The following PHACTR1 variants were observed in gnomAD, a reference collection of about 807,000 sequenced individuals.
PHACTR1 encodes the protein RPEL repeat containing 1.
A neutral mutation model predicts 69.2 loss-of-function variants in PHACTR1; 16 were observed. The ratio of observed to expected loss-of-function variants is 0.23; its 90% CI spans 0.16 to 0.35. The LOEUF (loss-of-function observed/expected upper bound fraction) is 0.35, where lower values mean the gene tolerates loss of function less well. Among genes scored for constraint, PHACTR1 ranks in the 10% least tolerant of loss-of-function variants. PHACTR1 has a pLI of 1.00. For synonymous variants in PHACTR1, 312 were observed against 284.5 expected (o/e 1.10, Z -0.97); for missense variants, 510 against 734.7 (o/e 0.69, Z 3.54).
At chr6:12,825,563 G>T (rs777775877) in intron 4 of PHACTR1, among the ~76,000 whole-genome samples, 2 of 152,184 alleles carry the variant, frequency 1.3e-5, no homozygotes, top group African/African-American at 2.4e-5. Flanking sequence ...AGTGCTGGTT[G>T]TGATGATCAA....
Position 12,798,543 on chromosome 6 carries a change from C to T in PHACTR1, c.250+48753C>T, listed in dbSNP as rs151209915. Among the ~76,000 whole-genome samples, 7 of 152,272 alleles carry T rather than the reference C, an allele frequency of 4.6e-5. 1 individual carries two copies. The South Asian group carries it at 6.2e-4, about 14-fold the overall frequency. ...AAGTAAATAAAGCATGATAGAACAA[C>T]GGACTGAGTAACAAATGACCAATTT... On this transcript the variant is annotated intron_variant, in intron 4 of 14. Coordinates refer to ENST00000332995, the MANE Select transcript of PHACTR1 (RefSeq NM_030948.6).
chr6:13,065,513 G>A (rs73368145), intron 5 of PHACTR1, among the ~76,000 whole-genome samples: 5,644 of 152,184 alleles, frequency 0.037, 338 homozygotes, highest in African/African-American at 0.13. Flanking sequence ...GGGAAGCCAC[G>A]TAGCTGGGAT....
chr6:12,827,052 C>A (rs1256555268), intron 4 of PHACTR1, among the ~76,000 whole-genome samples: 1 of 152,202 alleles, frequency 6.6e-6, no homozygotes, highest in Non-Finnish European at 1.5e-5. Flanking sequence ...TATCGTCCTT[C>A]TTTGTTGTTT....
chr6:13,139,253 C>T (rs1357899512), intron 5 of PHACTR1, among the ~76,000 whole-genome samples: 1 of 152,030 alleles, frequency 6.6e-6, no homozygotes, highest in Non-Finnish European at 1.5e-5. Context: ...ATCCATCCCA[C>T]TGCATATTTT....
At chr6:13,170,997 G>T (rs1279828302) in intron 6 of PHACTR1, among the ~76,000 whole-genome samples, 1 of 152,170 alleles carries the variant, frequency 6.6e-6, no homozygotes, top group East Asian at 1.9e-4. Context: ...ATCTCATAAA[G>T]GACATAATCC....
At chr6:12,832,460 C>G (rs1341885220) in intron 4 of PHACTR1, among the ~76,000 whole-genome samples, 1 of 151,956 alleles carries the variant, frequency 6.6e-6, no homozygotes, top group Non-Finnish European at 1.5e-5. Flanking sequence ...GTAAGCATTA[C>G]AAAATAATTT....
At chr6:12,936,951 G>A (rs1309966290) in intron 4 of PHACTR1, among the ~76,000 whole-genome samples, 2 of 152,084 alleles carry the variant, frequency 1.3e-5, no homozygotes. Context: ...AGTGTCTGAG[G>A]ATGAGTCACA....
chr6:12,870,590 ACATATACATATAATTG>A (rs1230385069), intron 4 of PHACTR1, among the ~76,000 whole-genome samples: 3 of 152,348 alleles, frequency 2.0e-5, no homozygotes, highest in Middle Eastern at 6.8e-3. Context: ...CTATAATTGC[ACATATACATATAATTG>A]CACATCTATA....
chr6:12,922,084 CTG>C (rs1787780562), intron 4 of PHACTR1, among the ~76,000 whole-genome samples: 1 of 152,176 alleles, frequency 6.6e-6, no homozygotes, highest in South Asian at 2.1e-4. Flanking sequence ...CAGAGAACAT[CTG>C]TGAGCTACTT....
chr6:13,064,441 C>T (rs930574190), intron 5 of PHACTR1, among the ~76,000 whole-genome samples: 3 of 150,066 alleles, frequency 2.0e-5, no homozygotes, highest in Non-Finnish European at 4.4e-5. Context: ...AAGCTTTATC[C>T]CACGTAAATG....
intron 6 of PHACTR1, among the ~76,000 whole-genome samples, chr6:13,165,643 AG>A (rs1263054411): frequency 6.6e-6 from 1 of 152,068 alleles, no homozygotes; most frequent in African/African-American, 2.4e-5. Context: ...GCGAAGGGGG[AG>A]GGGGTTGTGA....
intron 4 of PHACTR1, among the ~76,000 whole-genome samples, chr6:12,829,871 T>TC (rs1241929820): frequency 6.7e-6 from 1 of 149,232 alleles, no homozygotes; most frequent in East Asian, 2.0e-4. Context: ...GACAGGAGAA[T>TC]CGCTTGAACC....
intron 4 of PHACTR1, among the ~76,000 whole-genome samples, chr6:12,969,509 A>G (rs1793912997): frequency 6.6e-6 from 1 of 152,200 alleles, no homozygotes; most frequent in South Asian, 2.1e-4. Context: ...CAGGAGGCCA[A>G]GGTAGGAGGA....
rs146538738 is a variant in PHACTR1, at chr6:12,981,377, C to A, written c.251-71988C>A. Among the ~76,000 whole-genome samples, 481 of 152,280 alleles carry A rather than the reference C, an allele frequency of 3.2e-3. 7 individuals carry two copies. Among genetic ancestry groups the A allele is most frequent in the African/African-American group, 0.011 (454 of 41,544 alleles). On this transcript the variant is annotated intron_variant, in intron 4 of 14. Coordinates refer to ENST00000332995, the MANE Select transcript of PHACTR1 (RefSeq NM_030948.6). ...GTCTTGTTACTGATATGATTTTGTG[C>A]CTTGGCATATTCTGATTACTACCAT...
At chr6:13,160,677 A>G (rs972698775) in intron 6 of PHACTR1, among the ~76,000 whole-genome samples, 48 of 152,152 alleles carry the variant, frequency 3.2e-4, no homozygotes, top group Admixed American at 9.2e-4. Flanking sequence ...ATACTCATCT[A>G]GGATTTCCTT....
chr6:12,856,239 C>T (rs1780340699), intron 4 of PHACTR1, among the ~76,000 whole-genome samples: 1 of 101,898 alleles, frequency 9.8e-6, no homozygotes. Flanking sequence ...TTTTCTTTTT[C>T]TTTCTTTCTT....
chr6:13,082,735 A>G (rs1256394446), intron 5 of PHACTR1, among the ~76,000 whole-genome samples: 1 of 152,196 alleles, frequency 6.6e-6, no homozygotes, highest in African/African-American at 2.4e-5. Flanking sequence ...TTTTGGCTGC[A>G]TAAATGTCTT....
chr6:12,871,952 AT>A (rs5874391), intron 4 of PHACTR1, among the ~76,000 whole-genome samples: 74,081 of 151,044 alleles, frequency 0.49, 19,168 homozygotes, highest in East Asian at 0.85. Context: ...CATGTGATGG[AT>A]TTTTTTTTTC....
intron 4 of PHACTR1, among the ~76,000 whole-genome samples, chr6:12,850,219 ACAACTT>A (rs1470105674): frequency 2.0e-5 from 3 of 152,212 alleles, no homozygotes; most frequent in Non-Finnish European, 2.9e-5. Flanking sequence ...TTCTTCCGTC[ACAACTT>A]CCAAGAAGCC....
Sources: gnomAD v4.1 joint callset for allele counts (sites outside exome capture counted in the v4.1 genomes callset) on GRCh38, gnomAD v4.1.1 for gene constraint, MANE v1.5 for transcripts, NCBI Gene and HGNC (gene_info 2026-07-23, HGNC 2026-07-21) for gene names.